The following CCDC30 variants were observed in gnomAD, a reference collection of about 807,000 sequenced individuals.
CCDC30 encodes the protein coiled-coil domain containing 30, also known as coiled-coil domain-containing protein 30.
In CCDC30, 70 loss-of-function variants were observed where a neutral mutation model predicts 100.2. That is an observed-to-expected ratio of 0.70 (90% CI 0.58 to 0.85). The LOEUF is 0.85. Ranked by LOEUF, CCDC30 falls within the 40% of genes least tolerant of loss-of-function variation. CCDC30 has a pLI of 0.00. For missense variants in CCDC30, 652 were observed against 771.2 expected (o/e 0.85, Z 1.83); for synonymous variants, 233 against 269.5 (o/e 0.86, Z 1.33).
At chr1:42,590,319 G>C (rs1381916212) in intron 10 of CCDC30, 1 of 152,132 alleles carries the variant, frequency 6.6e-6, no homozygotes, top group African/African-American at 2.4e-5. Flanking sequence ...TTATAGCAGT[G>C]CAAGAACAGC....
rs370154874 is a variant in CCDC30 at position 42,535,639 on chromosome 1, C to T, written c.457-30657C>T. Among the ~76,000 whole-genome samples, 50 of 70,576 alleles carry T rather than the reference C, an allele frequency of 7.1e-4. No homozygotes were observed. The East Asian group carries it at 0.018, about 26-fold the overall frequency. The allele number at this position is 70,576 out of a possible 152,430, so 46.3% of individuals were successfully genotyped here. ...CTTTGGGAGGCCGAGGTGAGTGGAT[C>T]GCTTGAGCCCAGGAGTTTGAGAACA... On this transcript the variant is annotated intron_variant, in intron 6 of 16. Coordinates refer to ENST00000668663, the Ensembl canonical transcript of CCDC30.
intron 6 of CCDC30, among the ~76,000 whole-genome samples, chr1:42,553,652 T>TACACAC (rs60429759): frequency 0.23 from 30,317 of 133,558 alleles, 3,689 homozygotes; most frequent in Non-Finnish European, 0.28. Context: ...TGAGATTCCA[T>TACACAC]ACACACACAC....
At chr1:42,537,193 G>A (rs1187966726) in intron 6 of CCDC30, 6 of 456,158 alleles carry the variant, frequency 1.3e-5, no homozygotes, top group East Asian at 6.9e-5. Flanking sequence ...TGTTCATAGA[G>A]TCATGGGCTT....
chr1:42,622,992 G>A (rs1293935337), intron 11 of CCDC30, among the ~76,000 whole-genome samples: 3 of 152,122 alleles, frequency 2.0e-5, no homozygotes, highest in African/African-American at 7.2e-5. Context: ...ATGATGTTGA[G>A]CACCTTTTCA....
At chr1:42,545,359 A>G (rs11210668) in intron 6 of CCDC30, 51 bp from the exon 9 acceptor site, 306,887 of 1,407,406 alleles carry the variant, frequency 0.22, 36,500 homozygotes, top group South Asian at 0.42. Flanking sequence ...TTTCACAGCT[A>G]TAAATAAAAG....
chr1:42,494,759 T>G (rs1569804286), intron 4 of CCDC30, among the ~76,000 whole-genome samples: 1 of 128,148 alleles, frequency 7.8e-6, no homozygotes, highest in South Asian at 2.9e-4. Context: ...GAAAAAATGC[T>G]CACCATCACT....
At chr1:42,522,151 A>G (rs572070907) in intron 6 of CCDC30, among the ~76,000 whole-genome samples, 2 of 152,158 alleles carry the variant, frequency 1.3e-5, no homozygotes, top group Non-Finnish European at 2.9e-5. Flanking sequence ...AATAGTTGTT[A>G]TGCTGTATCA....
At chr1:42,628,883 T>C (rs1646981500) in intron 11 of CCDC30, among the ~76,000 whole-genome samples, 1 of 152,204 alleles carries the variant, frequency 6.6e-6, no homozygotes. Flanking sequence ...CAACTTAATA[T>C]GGTTTGCATA....
intron 1 of CCDC30, among the ~76,000 whole-genome samples, chr1:42,465,654 G>A (rs113903223): frequency 6.6e-6 from 1 of 151,836 alleles, no homozygotes; most frequent in Non-Finnish European, 1.5e-5. Context: ...TGTGAGCCAC[G>A]GTACCCGACC....
At chr1:42,498,966 C>A in intron 6 of CCDC30, 50 bp downstream of exon 6, 1 of 990,518 alleles carries the variant, frequency 1.0e-6, no homozygotes, top group Non-Finnish European at 1.3e-6. Context: ...TTTTGAGTTG[C>A]ATTTTTACAG....
chr1:42,623,539 A>T (rs1646878861), intron 11 of CCDC30, among the ~76,000 whole-genome samples: 1 of 152,060 alleles, frequency 6.6e-6, no homozygotes, highest in Non-Finnish European at 1.5e-5. Context: ...AAATGAGTTC[A>T]CTGTAGGTGT....
At chr1:42,486,363 A>G (rs1488820812) in intron 3 of CCDC30, among the ~76,000 whole-genome samples, 1 of 152,204 alleles carries the variant, frequency 6.6e-6, no homozygotes, top group South Asian at 2.1e-4. Context: ...ACATCTGGGA[A>G]CCTGGATTTT....
intron 4 of CCDC30, among the ~76,000 whole-genome samples, chr1:42,491,472 C>A: frequency 6.7e-6 from 1 of 148,788 alleles, no homozygotes; most frequent in Non-Finnish European, 1.5e-5. Context: ...AATAAAGGGG[C>A]AGTTTCAGTG....
chr1:42,613,937 G>T (rs1000217144), intron 11 of CCDC30, among the ~76,000 whole-genome samples: 1 of 152,074 alleles, frequency 6.6e-6, no homozygotes, highest in Non-Finnish European at 1.5e-5. Context: ...ATTCAACATG[G>T]AGTTGCTCTG....
At chr1:42,554,478 A>G (rs1044718931) in intron 6 of CCDC30, among the ~76,000 whole-genome samples, 5 of 152,028 alleles carry the variant, frequency 3.3e-5, no homozygotes, top group Middle Eastern at 6.8e-3. Flanking sequence ...GGGTTTCGCC[A>G]TGTTGACCAG....
exon 8 of CCDC30, chr1:42,577,118 C>A (rs571405961): frequency 2.5e-6 from 4 of 1,614,034 alleles, no homozygotes; most frequent in Admixed American, 1.7e-5. Flanking sequence ...AGCAGAAAAT[C>A]AAGGAACTGG....
At chr1:42,625,306 T>C (rs2148662273) in intron 11 of CCDC30, among the ~76,000 whole-genome samples, 1 of 147,132 alleles carries the variant, frequency 6.8e-6, no homozygotes, top group East Asian at 1.9e-4. Flanking sequence ...TGATTTTAAC[T>C]TTTCAAAAAA....
At chr1:42,483,871 C>T (rs961373919) in intron 3 of CCDC30, among the ~76,000 whole-genome samples, 7 of 151,854 alleles carry the variant, frequency 4.6e-5, no homozygotes, top group Non-Finnish European at 1.0e-4. Flanking sequence ...ATGTTTAAAG[C>T]CTTTTCTTCA....
intron 6 of CCDC30, among the ~76,000 whole-genome samples, chr1:42,547,728 C>T (rs1645172720): frequency 6.6e-6 from 1 of 152,170 alleles, no homozygotes; most frequent in South Asian, 2.1e-4. Flanking sequence ...TTGTTTATCT[C>T]CTATTCCCCT....
Sources: gnomAD v4.1 joint callset for allele counts (sites outside exome capture counted in the v4.1 genomes callset) on GRCh38, gnomAD v4.1.1 for gene constraint, MANE v1.5 for transcripts, NCBI Gene and HGNC (gene_info 2026-07-23, HGNC 2026-07-21) for gene names.